CATSPERB: variants seen among roughly 807,000 people sequenced by gnomAD.
CATSPERB encodes the protein catsper channel auxiliary subunit beta.
Under a neutral mutation model 128.3 loss-of-function variants are expected in CATSPERB, and 93 were observed. The observed-to-expected ratio is 0.72, with a 90% CI of 0.61 to 0.86. The LOEUF is 0.86. CATSPERB is among the 40% of genes least tolerant of loss of function. CATSPERB has a pLI of 0.00. For missense variants in CATSPERB, 1,153 were observed against 1,329.5 expected (o/e 0.87, Z 2.06); for synonymous variants, 381 against 448.8 (o/e 0.85, Z 1.91).
chr14:91,671,810 T>C (rs1312401579), intron 13 of CATSPERB, among the ~76,000 whole-genome samples: 1 of 151,938 alleles, frequency 6.6e-6, no homozygotes, highest in African/African-American at 2.4e-5. Flanking sequence ...GGCGGGCAGA[T>C]CACGAGGTCA....
chr14:91,609,489 T>G (rs142650958), intron 21 of CATSPERB, among the ~76,000 whole-genome samples: 1 of 152,346 alleles, frequency 6.6e-6, no homozygotes, highest in African/African-American at 2.4e-5. Context: ...TAGTACAGTG[T>G]GTACTACAGC....
chr14:91,614,167 C>T (rs1287480676), intron 20 of CATSPERB, among the ~76,000 whole-genome samples: 2 of 152,116 alleles, frequency 1.3e-5, no homozygotes, highest in African/African-American at 4.8e-5. Context: ...CTCAAAACAA[C>T]CATGTGAAGT....
At chr14:91,619,861 TTGTGTGTGTGTGTG>T (rs55687285) in intron 19 of CATSPERB, among the ~76,000 whole-genome samples, 4,386 of 139,078 alleles carry the variant, frequency 0.032, 213 homozygotes, top group African/African-American at 0.11. Flanking sequence ...TGTAATAAAA[TTGTGTGTGTGTGTG>T]TGTGTGTGTG....
At chr14:91,668,601 C>T (rs1029558482) in intron 14 of CATSPERB, among the ~76,000 whole-genome samples, 10 of 152,214 alleles carry the variant, frequency 6.6e-5, no homozygotes, top group Admixed American at 2.6e-4. Context: ...TTTCGCTCTT[C>T]ACAATAAGTC....
chr14:91,606,468 C>G (rs1595143206), intron 22 of CATSPERB, among the ~76,000 whole-genome samples: 1 of 152,182 alleles, frequency 6.6e-6, no homozygotes, highest in East Asian at 1.9e-4. Context: ...GGGCCTGAGG[C>G]AGGAGAATCG....
intron 7 of CATSPERB, among the ~76,000 whole-genome samples, chr14:91,700,136 T>C (rs542061132): frequency 6.6e-5 from 10 of 151,994 alleles, no homozygotes; most frequent in Admixed American, 2.6e-4. Context: ...CCTATGCCCA[T>C]AGGTTCTCAT....
At chr14:91,666,640 G>A (rs1399402901) in intron 14 of CATSPERB, among the ~76,000 whole-genome samples, 3 of 152,168 alleles carry the variant, frequency 2.0e-5, no homozygotes, top group Non-Finnish European at 4.4e-5. Context: ...TGTGGCGGTG[G>A]CCGTCTTAGT....
At chr14:91,712,269 A>AC (rs1297003610) in intron 5 of CATSPERB, among the ~76,000 whole-genome samples, 2 of 152,238 alleles carry the variant, frequency 1.3e-5, no homozygotes, top group Non-Finnish European at 2.9e-5. Flanking sequence ...ATTGATATAA[A>AC]CAAGAGTTAA....
chr14:91,723,715 T>TA (rs1374307709), intron 3 of CATSPERB, among the ~76,000 whole-genome samples: 2 of 152,116 alleles, frequency 1.3e-5, no homozygotes, highest in South Asian at 2.1e-4. Flanking sequence ...TTCCCTAATC[T>TA]AAAAAATGGG....
chr14:91,730,264 GGTGAA>G (rs1896190998), intron 1 of CATSPERB, among the ~76,000 whole-genome samples: 1 of 152,130 alleles, frequency 6.6e-6, no homozygotes, highest in Non-Finnish European at 1.5e-5. Flanking sequence ...ACATAGGCAG[GGTGAA>G]GTGAAGACAC....
chr14:91,609,459 C>T (rs1051555478), intron 21 of CATSPERB, among the ~76,000 whole-genome samples: 8 of 152,100 alleles, frequency 5.3e-5, no homozygotes, highest in Non-Finnish European at 1.0e-4. Context: ...CACCAGAAGG[C>T]GGCTACAAAA....
chr14:91,655,881 A>C (rs1203326966), intron 15 of CATSPERB, among the ~76,000 whole-genome samples: 1 of 152,176 alleles, frequency 6.6e-6, no homozygotes, highest in African/African-American at 2.4e-5. Context: ...AAAGAAGATG[A>C]CCTCAAGGCA....
chr14:91,640,368 A>G (rs968573918), intron 15 of CATSPERB, among the ~76,000 whole-genome samples: 1 of 126,898 alleles, frequency 7.9e-6, no homozygotes, highest in Admixed American at 7.5e-5. Flanking sequence ...AGCATTAGGT[A>G]TATCTCCCAA....
intron 3 of CATSPERB, 25 bp from the exon 4 acceptor site, chr14:91,723,214 A>AC: frequency 6.8e-7 from 1 of 1,474,290 alleles, no homozygotes; most frequent in Non-Finnish European, 8.9e-7. Context: ...GAAAAAAAAA[A>AC]ACAACTAATA....
intron 18 of CATSPERB, among the ~76,000 whole-genome samples, chr14:91,622,382 G>A (rs1595151018): frequency 6.6e-6 from 1 of 152,146 alleles, no homozygotes; most frequent in Non-Finnish European, 1.5e-5. Context: ...AGTATTTAAG[G>A]AGAATATGAA....
At chr14:91,614,056 A>G (rs977662259) in intron 20 of CATSPERB, among the ~76,000 whole-genome samples, 9 of 152,196 alleles carry the variant, frequency 5.9e-5, no homozygotes, top group Admixed American at 2.6e-4. Flanking sequence ...GTTGCTTTAA[A>G]TAAACTCCCT....
Position 91,621,890 on chromosome 14 carries a change from G to A in CATSPERB, c.1978C>T (p.Leu660Phe). The A allele has an allele frequency of 6.2e-7, 1 of 1,613,540 alleles. No individual in the cohort carries two copies. The highest frequency in any genetic ancestry group is 8.5e-7 in the Non-Finnish European group (1 of 1,179,732). The change falls in exon 19 of 27, where the codon CTT (leucine) becomes TTT (phenylalanine). Residue 660 changes from leucine (L) to phenylalanine (F), a missense_variant. By Grantham distance (22) the Leu-to-Phe change is conservative. Coordinates refer to ENST00000256343, the MANE Select transcript of CATSPERB (RefSeq NM_024764.4). ...EDTDIEKTVV[L>F]PGYSSFLITS... ...ATGAGGAAGCTGCTGTACCCGGGAA[G>A]CACTACAGTCTTCTCTATATCTGTA...
chr14:91,714,075 C>CA (rs1895889273), intron 5 of CATSPERB, among the ~76,000 whole-genome samples: 1 of 151,742 alleles, frequency 6.6e-6, no homozygotes, highest in South Asian at 2.1e-4. Flanking sequence ...TCAATAGATG[C>CA]AAAAAATCAT....
At chr14:91,715,582 T>G (rs1454095002) in intron 5 of CATSPERB, among the ~76,000 whole-genome samples, 1 of 150,590 alleles carries the variant, frequency 6.6e-6, no homozygotes, top group Non-Finnish European at 1.5e-5. Flanking sequence ...AAAGATATTA[T>G]TGACTTTCCC....
Sources: allele counts gnomAD v4.1 joint callset (sites outside exome capture counted in the v4.1 genomes callset), GRCh38; gene constraint gnomAD v4.1.1; transcripts MANE v1.5; gene names NCBI Gene and HGNC (gene_info 2026-07-23, HGNC 2026-07-21).